CDH8: variants seen among roughly 807,000 people sequenced by gnomAD.
The protein encoded by CDH8 is cadherin 8.
CDH8 carries 17 observed loss-of-function variants against 68.1 expected under a neutral mutation model. The observed-to-expected ratio is 0.25, with a 90% CI of 0.17 to 0.37. The LOEUF (loss-of-function observed/expected upper bound fraction) is 0.37. Among genes scored for constraint, CDH8 ranks in the 10% least tolerant of loss-of-function variants. CDH8 has a pLI of 1.00. For synonymous variants in CDH8, 372 were observed against 365.1 expected, an observed-to-expected ratio of 1.02 and a Z score of -0.21; for missense variants, 763 against 999.3, an observed-to-expected ratio of 0.76 and a Z score of 3.19.
intron 10 of CDH8, among the ~76,000 whole-genome samples, chr16:61,702,736 T>C (rs1964457610): frequency 6.6e-6 from 1 of 152,200 alleles, no homozygotes. Context: ...ATAAGAACAG[T>C]CTTACTGAGC....
chr16:62,031,246 C>T (rs1348219273), intron 1 of CDH8, among the ~76,000 whole-genome samples: 10 of 151,718 alleles, frequency 6.6e-5, no homozygotes, highest in Admixed American at 6.6e-4. Flanking sequence ...TGTGAGAGAA[C>T]AAAAATATGC....
intron 2 of CDH8, among the ~76,000 whole-genome samples, chr16:61,921,962 C>T (rs1303265735): frequency 1.3e-5 from 2 of 151,812 alleles, no homozygotes; most frequent in African/African-American, 4.8e-5. Context: ...ACCCAGGAGG[C>T]GAAGATTGCA....
chr16:61,961,411 G>T (rs970578922), intron 2 of CDH8, among the ~76,000 whole-genome samples: 4 of 151,962 alleles, frequency 2.6e-5, no homozygotes, highest in African/African-American at 7.3e-5. Flanking sequence ...GCAAATCCCT[G>T]TCCATGGCTG....
In CDH8 at chr16:61,857,224, T is replaced by C. The variant is rs1963064066; in HGVS notation, c.562A>G (p.Asn188Asp). 6.2e-7 allele frequency: 1 copy of C among 1,612,826 alleles called. No individual in the cohort carries two copies. The highest frequency in any genetic ancestry group is 2.2e-5 in the East Asian group (1 of 44,806). The change falls in exon 4 of 12, where the codon AAC becomes GAC. Residue 188 changes from asparagine to aspartate, a missense_variant. Around this residue, in one of 2 missense-constraint regions of CDH8, gnomAD observed 366 missense variants for 563.1 expected, o/e 0.65. Transcript: ENST00000577390. The part of the protein sequence containing the change: ...EMSILGTSVT[N>D]VTATDADDPV... ...TCATCAGCGTCGGTCGCAGTGACGT[T>C]AGTGACAGATGTACCTAATAAAATA...
At chr16:61,654,777 AC>A (rs1963403687) in intron 11 of CDH8, among the ~76,000 whole-genome samples, 1 of 152,176 alleles carries the variant, frequency 6.6e-6, no homozygotes, top group African/African-American at 2.4e-5. Context: ...GGTGAGAAAG[AC>A]AGATGGAACA....
intron 8 of CDH8, among the ~76,000 whole-genome samples, chr16:61,766,220 CT>C (rs1184717461): frequency 1.3e-5 from 2 of 151,702 alleles, no homozygotes; most frequent in East Asian, 3.9e-4. Flanking sequence ...TTAGCTGCCA[CT>C]TATAAGTGAG....
chr16:61,769,470 A>G (rs1960723455), intron 8 of CDH8, among the ~76,000 whole-genome samples: 1 of 151,776 alleles, frequency 6.6e-6, no homozygotes, highest in Admixed American at 6.6e-5. Context: ...TTACAATCCC[A>G]TACCTTTCTG....
At chr16:61,677,884 C>T (rs1401661023) in intron 10 of CDH8, among the ~76,000 whole-genome samples, 1 of 151,910 alleles carries the variant, frequency 6.6e-6, no homozygotes, top group Non-Finnish European at 1.5e-5. Context: ...TACCCTCCTC[C>T]CTTTTGGAAT....
At chr16:61,861,910 A>G (rs572912654) in intron 3 of CDH8, among the ~76,000 whole-genome samples, 1 of 152,302 alleles carries the variant, frequency 6.6e-6, no homozygotes, top group East Asian at 1.9e-4. Context: ...TTATGTGTGT[A>G]TACAGGTAAA....
At chr16:61,690,180 G>T (rs1964190833) in intron 10 of CDH8, among the ~76,000 whole-genome samples, 1 of 152,088 alleles carries the variant, frequency 6.6e-6, no homozygotes, top group Admixed American at 6.6e-5. Context: ...TGGGTCAAGA[G>T]CATCTCTGAA....
At chr16:61,947,818 CA>C (rs1964823849) in intron 2 of CDH8, among the ~76,000 whole-genome samples, 1 of 152,096 alleles carries the variant, frequency 6.6e-6, no homozygotes, top group South Asian at 2.1e-4. Flanking sequence ...GGTCAACTTA[CA>C]GAGCTATTAG....
At chr16:61,918,373 C>T (rs574109692) in intron 2 of CDH8, 419 of 157,138 alleles carry the variant, frequency 2.7e-3, no homozygotes, top group Non-Finnish European at 4.9e-3. Flanking sequence ...ACGCAGAAGA[C>T]GGGTGATTTC....
chr16:61,992,217 T>C (rs1002979823), intron 2 of CDH8, among the ~76,000 whole-genome samples: 1 of 151,448 alleles, frequency 6.6e-6, no homozygotes, highest in African/African-American at 2.4e-5. Flanking sequence ...ATAGATTGGA[T>C]TAAGAAAATG....
intron 5 of CDH8, among the ~76,000 whole-genome samples, chr16:61,822,093 G>A (rs1371531420): frequency 6.6e-6 from 1 of 151,618 alleles, no homozygotes; most frequent in East Asian, 1.9e-4. Flanking sequence ...CCATTCTGTG[G>A]CAGGATAACT....
intron 2 of CDH8, among the ~76,000 whole-genome samples, chr16:61,922,175 C>T (rs1964380475): frequency 6.6e-6 from 1 of 152,150 alleles, no homozygotes; most frequent in Admixed American, 6.5e-5. Flanking sequence ...GACAGATTTT[C>T]CTAATCATAG....
At chr16:61,666,206 G>GTA (rs57098637) in intron 10 of CDH8, among the ~76,000 whole-genome samples, 2,588 of 145,530 alleles carry the variant, frequency 0.018, 34 homozygotes, top group African/African-American at 0.038. Flanking sequence ...GTGTGTGTGT[G>GTA]TATATATATA....
intron 9 of CDH8, among the ~76,000 whole-genome samples, chr16:61,721,134 G>T (rs554838470): frequency 1.3e-5 from 2 of 150,522 alleles, no homozygotes; most frequent in African/African-American, 4.9e-5. Flanking sequence ...ACTTTGCTTT[G>T]CTTTTCTGTC....
At chr16:61,864,200 T>C (rs1963207521) in intron 3 of CDH8, among the ~76,000 whole-genome samples, 1 of 152,196 alleles carries the variant, frequency 6.6e-6, no homozygotes, top group South Asian at 2.1e-4. Context: ...ATTAGTTTTA[T>C]GGAAAAATGC....
chr16:61,773,414 C>T (rs1960827763), intron 8 of CDH8, among the ~76,000 whole-genome samples: 1 of 152,104 alleles, frequency 6.6e-6, no homozygotes, highest in Non-Finnish European at 1.5e-5. Context: ...TCTTAATGCA[C>T]AGTTGGTGCA....
Sources: gnomAD v4.1 joint callset for allele counts (sites outside exome capture counted in the v4.1 genomes callset) on GRCh38, gnomAD v4.1.1 for gene constraint, gnomAD v4.1.1 regional missense constraint, MANE v1.5 for transcripts, NCBI Gene and HGNC (gene_info 2026-07-23, HGNC 2026-07-21) for gene names.